CYP2J2: variants seen among roughly 807,000 people sequenced by gnomAD.
CYP2J2 encodes cytochrome P450 2J2.
In CYP2J2, 41 loss-of-function variants were observed where a neutral mutation model predicts 48.8. The observed-to-expected ratio is 0.84, with a 90% confidence interval of 0.66 to 1.09. The LOEUF (loss-of-function observed/expected upper bound fraction) is 1.09, where lower values mean the gene tolerates loss of function less well. Ranked by LOEUF, CYP2J2 falls within the 50% of genes least tolerant of loss-of-function variation. The pLI is 0.00. For missense variants in CYP2J2, 644 were observed against 617.3 expected (o/e 1.04, Z -0.46); for synonymous variants, 221 against 227.1 (o/e 0.97, Z 0.24).
At chr1:59,935,023 T>TATATATATATAC in the CYP2J2 span, among the ~76,000 whole-genome samples, 1 of 75,306 alleles carries the variant, frequency 1.3e-5, no homozygotes, top group Non-Finnish European at 2.8e-5. Context: ...TACATATATA[T>TATATATATATAC]ATATATATAT....
At chr1:59,923,783 A>G (rs1644538327) in intron 1 of CYP2J2, among the ~76,000 whole-genome samples, 1 of 152,198 alleles carries the variant, frequency 6.6e-6, no homozygotes, top group African/African-American at 2.4e-5. Context: ...GGAAACAACA[A>G]AAACAGAGTT....
At chr1:59,910,237 GT>G (rs1644400215) in intron 4 of CYP2J2, among the ~76,000 whole-genome samples, 1 of 152,160 alleles carries the variant, frequency 6.6e-6, no homozygotes. Context: ...CACTGGTTGA[GT>G]GTTTGAAGGC....
chr1:59,967,907 A>G, the CYP2J2 span, among the ~76,000 whole-genome samples: 2 of 152,188 alleles, frequency 1.3e-5, no homozygotes, highest in African/African-American at 4.8e-5. Context: ...ACTATATATA[A>G]ACAGACAAAC....
the CYP2J2 span, among the ~76,000 whole-genome samples, chr1:59,967,419 C>G: frequency 6.6e-6 from 1 of 152,138 alleles, no homozygotes; most frequent in Admixed American, 6.5e-5. Context: ...AGAAAATAAC[C>G]CTTAAGCTGC....
At chr1:59,955,729 A>T in the CYP2J2 span, among the ~76,000 whole-genome samples, 1 of 152,174 alleles carries the variant, frequency 6.6e-6, no homozygotes, top group Non-Finnish European at 1.5e-5. Context: ...ATGCACGAGG[A>T]AACATTAGAT....
rs572334378 is a variant in CYP2J2 at position 59,894,563 on chromosome 1, C to T, written c.1331-734G>A. On this transcript the variant is annotated intron_variant, in intron 8 of 8. Transcript: ENST00000371204. ...AGATTCAATTCAGCTTCTCCCACCT[C>T]CTAACCACGTGATTGGGGCAAATTA... Among the ~76,000 whole-genome samples, 3 of 152,268 alleles carry T rather than the reference C, an allele frequency of 2.0e-5. No individual in the cohort carries two copies. The South Asian group carries it at 6.2e-4, about 32-fold the overall frequency.
upstream of CYP2J2, among the ~76,000 whole-genome samples, chr1:59,930,006 G>C (rs1028587010): frequency 6.6e-6 from 1 of 152,134 alleles, no homozygotes; most frequent in African/African-American, 2.4e-5. Context: ...AGGAAATCCT[G>C]CAAGCAGCAT....
intron 7 of CYP2J2, 71 bp downstream of exon 7, chr1:59,904,800 G>A: frequency 1.5e-6 from 2 of 1,309,754 alleles, no homozygotes; most frequent in Middle Eastern, 2.4e-4. Flanking sequence ...CTTAGGACAA[G>A]AATAAATGTC....
the CYP2J2 span, among the ~76,000 whole-genome samples, chr1:59,950,697 G>A: frequency 6.6e-6 from 1 of 152,196 alleles, no homozygotes; most frequent in African/African-American, 2.4e-5. Flanking sequence ...GCAGAGCTCA[G>A]CTGGACTGTT....
chr1:59,901,583 C>G (rs1354754372), intron 7 of CYP2J2, among the ~76,000 whole-genome samples: 1 of 152,176 alleles, frequency 6.6e-6, no homozygotes, highest in Non-Finnish European at 1.5e-5. Flanking sequence ...CCCCACTCCC[C>G]ATGGTAGGTT....
intron 2 of CYP2J2, 103 bp from the exon 3 acceptor site, chr1:59,912,414 T>C: frequency 7.7e-7 from 1 of 1,292,286 alleles, no homozygotes; most frequent in Non-Finnish European, 1.1e-6. Context: ...GAGAAGATCA[T>C]TAAGGCACTT....
the CYP2J2 span, among the ~76,000 whole-genome samples, chr1:59,944,114 T>C: frequency 6.6e-6 from 1 of 152,208 alleles, no homozygotes; most frequent in Non-Finnish European, 1.5e-5. Flanking sequence ...TGTATAGATT[T>C]CTATAGTTTA....
At chr1:59,893,920 T>C (rs1417426443) in intron 8 of CYP2J2, 91 bp from the exon 9 acceptor site, 1 of 1,313,410 alleles carries the variant, frequency 7.6e-7, no homozygotes, top group East Asian at 2.4e-5. Context: ...CCCAAAAAAA[T>C]GGAGCAGAGG....
At chr1:59,928,838 G>A (rs1644590068), upstream of CYP2J2, among the ~76,000 whole-genome samples, 1 of 152,222 alleles carries the variant, frequency 6.6e-6, no homozygotes, top group Non-Finnish European at 1.5e-5. Context: ...ATGAGAACAA[G>A]AGGATAAACC....
intron 2 of CYP2J2, among the ~76,000 whole-genome samples, chr1:59,915,342 G>A (rs1354330530): frequency 6.6e-6 from 1 of 152,152 alleles, no homozygotes; most frequent in African/African-American, 2.4e-5. Flanking sequence ...AATACCCATA[G>A]GTGTGGAAGG....
intron 1 of CYP2J2, among the ~76,000 whole-genome samples, chr1:59,921,454 C>T (rs966869910): frequency 4.6e-5 from 7 of 152,004 alleles, no homozygotes; most frequent in Non-Finnish European, 4.4e-5. Flanking sequence ...CACCAAGATT[C>T]CTATCCCAGA....
At chr1:59,904,172 ACC>A (rs1258700835) in intron 7 of CYP2J2, among the ~76,000 whole-genome samples, 1 of 152,130 alleles carries the variant, frequency 6.6e-6, no homozygotes, top group Non-Finnish European at 1.5e-5. Flanking sequence ...AGAGATCCAG[ACC>A]ATCCTGGCCA....
At chr1:59,963,313 C>T in the CYP2J2 span, among the ~76,000 whole-genome samples, 2 of 152,106 alleles carry the variant, frequency 1.3e-5, no homozygotes, top group East Asian at 1.9e-4. Context: ...TTTTCATCAC[C>T]CCAACAGAAA....
chr1:59,911,561 T>G (rs768092111), intron 4 of CYP2J2, 47 bp downstream of exon 4: 5 of 1,378,884 alleles, frequency 3.6e-6, no homozygotes, highest in Non-Finnish European at 4.8e-6. Context: ...GTGGCTGACA[T>G]CGGCCCCAAT....
Sources: allele counts gnomAD v4.1 joint callset (sites outside exome capture counted in the v4.1 genomes callset), GRCh38; gene constraint gnomAD v4.1.1; transcripts MANE v1.5; gene names NCBI Gene and HGNC (gene_info 2026-07-23, HGNC 2026-07-21).